Variants in PCDHGB2 observed in about 807,000 individuals in gnomAD.
PCDHGB2 encodes protocadherin gamma subfamily B, 2.
Under a neutral mutation model 59.3 loss-of-function variants are expected in PCDHGB2, and 55 were observed. The ratio of observed to expected loss-of-function variants is 0.93; its 90% CI spans 0.75 to 1.16. The LOEUF (loss-of-function observed/expected upper bound fraction) is 1.16. PCDHGB2 is among the 50% of genes most tolerant of loss of function. PCDHGB2 has a pLI of 0.00. For synonymous variants in PCDHGB2, 516 were observed against 512.0 expected (o/e 1.01, Z -0.11); for missense variants, 1,228 against 1,198.5 (o/e 1.02, Z -0.36).
Position 141,389,968 on chromosome 5 carries a change from C to A in PCDHGB2, c.2421+27412C>A, listed in dbSNP as rs898974383. ...CAGTTTTACCTAGTGGTGGCCTTGG[C>A]CTTGATCTCAGTGCTCTTCCTCGTG... is the stretch of plus-strand genomic sequence containing the variant. On this transcript the variant is annotated intron_variant, in intron 1 of 3. Coordinates refer to ENST00000522605, the MANE Select transcript of PCDHGB2 (RefSeq NM_018923.3). 3 of 1,613,908 alleles carry A rather than the reference C, an allele frequency of 1.9e-6. No homozygotes were observed. The highest frequency in any genetic ancestry group is 2.5e-6 in the Non-Finnish European group (3 of 1,179,892).
intron 1 of PCDHGB2, among the ~76,000 whole-genome samples, chr5:141,479,036 G>C (rs1202411463): frequency 1.3e-5 from 2 of 152,012 alleles, no homozygotes; most frequent in Non-Finnish European, 2.9e-5. Flanking sequence ...TATACAGATC[G>C]TGTACCTCAT....
rs1001412632 is a variant in PCDHGB2, at chr5:141,493,097, A to G, written c.2422-1710A>G. On this transcript the variant is annotated intron_variant, in intron 1 of 3. Transcript: ENST00000522605. The surrounding 1 kb of genome is among the most constrained non-coding windows in gnomAD (Gnocchi z 4.3). ...AACTCCAGGAGCTTTTATTCAAAAT[A>G]TATCAATGCCTAACTCTGCTCCTAG... Among the ~76,000 whole-genome samples, 1 of 152,224 alleles carries G rather than the reference A, an allele frequency of 6.6e-6. No homozygotes were observed. The highest frequency in any genetic ancestry group is 2.4e-5 in the African/African-American group (1 of 41,456).
At chr5:141,414,148 G>C in intron 1 of PCDHGB2, 7 of 1,598,900 alleles carry the variant, frequency 4.4e-6, no homozygotes, top group Non-Finnish European at 6.0e-6. Flanking sequence ...AGAAATACAA[G>C]CAGAAGATGG....
In PCDHGB2 at chr5:141,433,040, A is replaced by ACGGACT. The variant is rs753119003; in HGVS notation, c.2422-61764_2422-61759dup. The ACGGACT allele has an allele frequency of 8.1e-6, 13 of 1,614,088 alleles. No homozygotes were observed. In the African/African-American group the frequency reaches 1.7e-4, roughly 22 times the overall value. On this transcript the variant is annotated intron_variant, in intron 1 of 3. Transcript: ENST00000522605. ...CTATTCCCACGAGGTTTCCCTCACC[A>ACGGACT]CGGACTCGCGGAAGAGTCACCTGAT...
At chr5:141,366,749 C>T in intron 1 of PCDHGB2, 1 of 1,609,608 alleles carries the variant, frequency 6.2e-7, no homozygotes, top group Admixed American at 1.7e-5. Flanking sequence ...ACGGCGAGTT[C>T]AGGTTAGTTT....
At chr5:141,457,736 T>G (rs1265562501) in intron 1 of PCDHGB2, among the ~76,000 whole-genome samples, 1 of 152,254 alleles carries the variant, frequency 6.6e-6, no homozygotes, top group African/African-American at 2.4e-5. Flanking sequence ...AGATTAGACT[T>G]TTAAAGCTGA....
chr5:141,421,291 G>C, intron 1 of PCDHGB2: 1 of 1,613,364 alleles, frequency 6.2e-7, no homozygotes, highest in Middle Eastern at 1.6e-4. Context: ...CATTTTCCTG[G>C]GGACGCTGCG....
At chr5:141,405,472 T>G in intron 1 of PCDHGB2, 1 of 1,056,196 alleles carries the variant, frequency 9.5e-7, no homozygotes, top group Non-Finnish European at 1.4e-6. Context: ...CAGGCTGGAA[T>G]GCAGTGGTGT....
Position 141,409,903 on chromosome 5 carries a change from G to C in PCDHGB2, c.2421+47347G>C, listed in dbSNP as rs570063514. 6.2e-6 allele frequency: 10 copies of C among 1,613,268 alleles called. No individual in the cohort carries two copies. The South Asian group carries it at 9.9e-5, about 16-fold the overall frequency. ...CACCGCGGGTGCTGTACCCAGCTCTGGGTCCTGACGGCTCCGCGTTCTTCG... is the reference window on the plus strand; with the variant it reads ...CACCGCGGGTGCTGTACCCAGCTCTCGGTCCTGACGGCTCCGCGTTCTTCG... On this transcript the variant is annotated intron_variant, in intron 1 of 3. Coordinates refer to ENST00000522605, the MANE Select transcript of PCDHGB2 (RefSeq NM_018923.3).
At chr5:141,363,972 A>G (rs2149852244) in intron 1 of PCDHGB2, among the ~76,000 whole-genome samples, 1 of 152,370 alleles carries the variant, frequency 6.6e-6, no homozygotes, top group Admixed American at 6.5e-5. Context: ...AAGTCTTGCT[A>G]TTCAGAATTA....
intron 1 of PCDHGB2, among the ~76,000 whole-genome samples, chr5:141,436,677 G>T (rs966497986): frequency 2.2e-4 from 33 of 152,278 alleles, no homozygotes; most frequent in Non-Finnish European, 2.9e-5. Flanking sequence ...CCAAAAAAAG[G>T]ATTTATATTT....
At chr5:141,382,861 TC>T in intron 1 of PCDHGB2, 1 of 1,514,402 alleles carries the variant, frequency 6.6e-7, no homozygotes, top group South Asian at 1.3e-5. Flanking sequence ...CTGAAGCACT[TC>T]CCGAGATCGG....
intron 1 of PCDHGB2, among the ~76,000 whole-genome samples, chr5:141,447,677 A>G (rs748479750): frequency 6.6e-6 from 1 of 152,184 alleles, no homozygotes; most frequent in Non-Finnish European, 1.5e-5. Context: ...GAACTGTTCC[A>G]TATCTTGATA....
Position 141,489,160 on chromosome 5 carries a change from C to A in PCDHGB2, c.2422-5647C>A. 1 of 1,029,962 alleles carries A rather than the reference C, an allele frequency of 9.7e-7. No individual in the cohort carries two copies. The highest frequency in any genetic ancestry group is 1.4e-6 in the Non-Finnish European group (1 of 701,366). 63.8% of individuals were successfully genotyped at this position (1,029,962 alleles called of 1,614,324 possible). ...GGCTGGAAGGAGACATAAGAGACTT[C>A]AGCTGCTGCATTCCAAGCCCTGGGT... On this transcript the variant is annotated intron_variant, in intron 1 of 3. Coordinates refer to ENST00000522605, the MANE Select transcript of PCDHGB2 (RefSeq NM_018923.3). The surrounding 1 kb of genome is among the most constrained non-coding windows in gnomAD (Gnocchi z 4.5).
Position 141,362,401 on chromosome 5 carries a change from G to A in PCDHGB2, c.2266G>A (p.Val756Ile). The A allele has an allele frequency of 1.2e-6, 2 of 1,614,028 alleles. No individual in the cohort carries two copies. Among genetic ancestry groups the A allele is most frequent in the Middle Eastern group, 1.6e-4 (1 of 6,062 alleles). Residue 756 changes from valine (V) to isoleucine (I), a missense_variant, in exon 1 of 4, where the codon GTT (valine) becomes ATT (isoleucine). Coordinates refer to ENST00000522605, the MANE Select transcript of PCDHGB2 (RefSeq NM_018923.3). The part of the protein sequence containing the change: ...GTLPYSYNLC[V>I]ASQSAKTEFN... ...ATTGCCCTATTCCTACAACCTGTGT[G>A]TTGCCTCACAATCAGCCAAGACAGA...
chr5:141,374,107 G>A, intron 1 of PCDHGB2: 3 of 1,573,706 alleles, frequency 1.9e-6, no homozygotes, highest in Non-Finnish European at 8.6e-7. Flanking sequence ...AGAGGCATCC[G>A]CAGCGCAGCG....
intron 1 of PCDHGB2, among the ~76,000 whole-genome samples, chr5:141,368,152 ACC>A (rs1765509493): frequency 2.0e-5 from 3 of 152,192 alleles, no homozygotes; most frequent in Admixed American, 6.5e-5. Flanking sequence ...TACTTTTAAA[ACC>A]TTGAGCATCA....
intron 1 of PCDHGB2, chr5:141,478,141 C>T (rs770862398): frequency 6.2e-7 from 1 of 1,614,044 alleles, no homozygotes; most frequent in Non-Finnish European, 8.5e-7. Context: ...AAGCCCGAGC[C>T]GAGTTCCCCT....
intron 1 of PCDHGB2, chr5:141,374,260 G>T: frequency 1.2e-6 from 2 of 1,613,998 alleles, no homozygotes; most frequent in Non-Finnish European, 1.7e-6. Flanking sequence ...CCCAGGAGTT[G>T]GCGGAGCACG....
Sources: gnomAD v4.1 joint callset for allele counts (sites outside exome capture counted in the v4.1 genomes callset) on GRCh38, gnomAD v4.1.1 for gene constraint, Gnocchi (gnomAD v3.1) non-coding constraint, MANE v1.5 for transcripts, NCBI Gene and HGNC (gene_info 2026-07-23, HGNC 2026-07-21) for gene names.